GPR107: variants seen among roughly 807,000 people sequenced by gnomAD.
The protein encoded by GPR107 is protein GPR107.
In GPR107, 31 loss-of-function variants were observed where a neutral mutation model predicts 75.5. The ratio of observed to expected loss-of-function variants is 0.41; its 90% CI spans 0.31 to 0.55. The LOEUF (loss-of-function observed/expected upper bound fraction) is 0.55. Among genes scored for constraint, GPR107 ranks in the 20% least tolerant of loss-of-function variants. The pLI is 0.26. For synonymous variants in GPR107, 267 were observed against 251.3 expected (o/e 1.06, Z -0.59); for missense variants, 572 against 665.7 (o/e 0.86, Z 1.55).
intron 6 of GPR107, among the ~76,000 whole-genome samples, chr9:130,084,047 C>CATATATAT (rs139002438): frequency 0.16 from 21,452 of 130,524 alleles, 2,001 homozygotes; most frequent in South Asian, 0.28. Context: ...AGAGAGCTAA[C>CATATATAT]ATATATATAT....
chr9:130,093,858 C>T (rs564239731), intron 9 of GPR107, among the ~76,000 whole-genome samples: 1 of 152,092 alleles, frequency 6.6e-6, no homozygotes, highest in East Asian at 1.9e-4. Flanking sequence ...CCCCTAGCCC[C>T]CAGGCTGGAG....
intron 1 of GPR107, among the ~76,000 whole-genome samples, chr9:130,065,709 G>A (rs1381505017): frequency 6.9e-6 from 1 of 145,272 alleles, no homozygotes; most frequent in Non-Finnish European, 1.5e-5. Flanking sequence ...GGAGGTTGCA[G>A]TGAACCAAGA....
At position 130,074,820 on chromosome 9, in the gene GPR107, G is replaced by A. The variant is rs1453122955; in HGVS notation, c.142-816G>A. Among the ~76,000 whole-genome samples, 3 of 151,848 alleles carry A rather than the reference G, an allele frequency of 2.0e-5. No individual in the cohort carries two copies. In the East Asian group the frequency reaches 5.8e-4, roughly 29 times the overall value. On this transcript the variant is annotated intron_variant, in intron 1 of 17. Coordinates refer to ENST00000347136, the MANE Select transcript of GPR107 (RefSeq NM_020960.5). ...TTTATCCTGCCAATGGGAGGAGCCA[G>A]GTACACACAAATTGATAAGAGGATT...
In GPR107 at chr9:130,083,558, C is replaced by A. The variant is rs371311302; in HGVS notation, c.527-7C>A. ...CAGCACTCTCTTTTAAATGTTCTTG[C>A]TTCTAGATGGTGGAAAGTCTAAAAG... On this transcript the variant is annotated splice_region_variant and splice_polypyrimidine_tract_variant and intron_variant, in intron 5 of 17. Coordinates refer to ENST00000347136, the MANE Select transcript of GPR107 (RefSeq NM_020960.5). The A allele has an allele frequency of 1.3e-6, 2 of 1,513,484 alleles. No individual in the cohort carries two copies. Among genetic ancestry groups the A allele is most frequent in the African/African-American group, 1.4e-5 (1 of 69,276 alleles). The allele number at this position is 1,513,484 out of a possible 1,614,324, so 93.8% of individuals were successfully genotyped here.
At position 130,135,015 on chromosome 9, in the gene GPR107, C is replaced by G. The variant is rs73541563; in HGVS notation, c.1563-10C>G. On this transcript the variant is annotated splice_polypyrimidine_tract_variant and intron_variant, in intron 17 of 17. Transcript: ENST00000347136. The stretch of plus-strand genomic sequence containing the variant: ...AGATGTTCCTAATTGTTTTTTCTTT[C>G]CTTGTTCAGTGTGACAACATCTGGG... The G allele has an allele frequency of 3.0e-3, 4,549 of 1,529,088 alleles. 25 individuals carry two copies. Among genetic ancestry groups the G allele is most frequent in the African/African-American group, 0.015 (1,076 of 73,486 alleles). 94.7% of individuals were successfully genotyped at this position (1,529,088 alleles called of 1,614,324 possible).
chr9:130,061,095 T>C (rs1829915881), intron 1 of GPR107, among the ~76,000 whole-genome samples: 1 of 152,210 alleles, frequency 6.6e-6, no homozygotes, highest in South Asian at 2.1e-4. Context: ...GCCTTCTGTC[T>C]CTTACTCATT....
At chr9:130,065,444 A>G (rs1272957030) in intron 1 of GPR107, among the ~76,000 whole-genome samples, 1 of 151,450 alleles carries the variant, frequency 6.6e-6, no homozygotes, top group African/African-American at 2.4e-5. Context: ...TCTCAAAAAC[A>G]TAATAATAAT....
intron 14 of GPR107, chr9:130,114,679 C>T: frequency 2.9e-6 from 3 of 1,047,528 alleles, no homozygotes; most frequent in Non-Finnish European, 3.5e-6. Flanking sequence ...AGCCACTGGA[C>T]CCATCCTGTT....
chr9:130,066,795 C>T (rs1830079699), intron 1 of GPR107, among the ~76,000 whole-genome samples: 1 of 152,082 alleles, frequency 6.6e-6, no homozygotes, highest in African/African-American at 2.4e-5. Context: ...ACCATCCTGG[C>T]TAACACGATG....
chr9:130,056,067 CAG>C (rs58299053), intron 1 of GPR107, among the ~76,000 whole-genome samples: 1,488 of 70,836 alleles, frequency 0.021, 24 homozygotes, highest in African/African-American at 0.074. Flanking sequence ...GGTTCAATCA[CAG>C]GGGTGGGGGT....
rs577314364 is a variant in GPR107 at position 130,136,656 on chromosome 9, C to T, written c.*1535C>T. ...AAGTTTGGGAACCTGAAAAAGTCTC[C>T]ATTCAGAACATGGTTGTTCTCCCTG... On this transcript the variant is annotated 3_prime_UTR_variant, in exon 18 of 18. Transcript: ENST00000347136. 1.3e-5 allele frequency: 2 copies of T among 152,368 alleles called. No homozygotes were observed. The highest frequency in any genetic ancestry group is 3.9e-4 in the East Asian group (2 of 5,190). The allele number at this position is 152,368 out of a possible 1,614,324, so 9.4% of individuals were successfully genotyped here. A position where few individuals can be genotyped will look rare whatever the true frequency, so the allele number is the denominator to read the frequency against.
intron 1 of GPR107, among the ~76,000 whole-genome samples, chr9:130,072,480 A>G (rs1275945327): frequency 6.6e-6 from 1 of 151,858 alleles, no homozygotes; most frequent in Non-Finnish European, 1.5e-5. Context: ...CGGCCTCCCA[A>G]AGTGCCGGGA....
At chr9:130,104,042 T>TG (rs948378155) in intron 12 of GPR107, among the ~76,000 whole-genome samples, 3 of 151,974 alleles carry the variant, frequency 2.0e-5, no homozygotes, top group African/African-American at 4.8e-5. Flanking sequence ...CCGGGGCTCC[T>TG]GGGGGGGCCT....
intron 7 of GPR107, among the ~76,000 whole-genome samples, chr9:130,089,309 C>A (rs1331000366): frequency 6.6e-6 from 1 of 152,208 alleles, no homozygotes; most frequent in Non-Finnish European, 1.5e-5. Context: ...ATTAGCAGCA[C>A]GTGCTGAAAC....
intron 13 of GPR107, among the ~76,000 whole-genome samples, chr9:130,106,970 A>G (rs1268851810): frequency 6.6e-6 from 1 of 152,166 alleles, no homozygotes; most frequent in Non-Finnish European, 1.5e-5. Context: ...AATGATGGTC[A>G]TTAGGTACCA....
chr9:130,128,851 A>G, intron 17 of GPR107, 90 bp downstream of exon 17: 1 of 1,216,362 alleles, frequency 8.2e-7, no homozygotes, highest in Non-Finnish European at 1.2e-6. Flanking sequence ...TGCTCTCAGC[A>G]TTTCGTGGCT....
intron 7 of GPR107, among the ~76,000 whole-genome samples, chr9:130,089,714 A>G (rs899792476): frequency 2.0e-5 from 3 of 152,106 alleles, no homozygotes; most frequent in African/African-American, 4.8e-5. Context: ...GAAGTTGTCC[A>G]TGTGTTTAGA....
At chr9:130,058,104 C>T (rs1829837485) in intron 1 of GPR107, among the ~76,000 whole-genome samples, 1 of 152,180 alleles carries the variant, frequency 6.6e-6, no homozygotes, top group Non-Finnish European at 1.5e-5. Context: ...GCTGGGATTA[C>T]AGGCGTGAGC....
rs1294351360 is a variant in GPR107 at position 130,135,176 on chromosome 9, TC to T, written c.*57del. 3 of 936,002 alleles carry T rather than the reference TC, an allele frequency of 3.2e-6. No homozygotes were observed. The East Asian group carries it at 7.6e-5, about 24-fold the overall frequency. The allele number at this position is 936,002 out of a possible 1,614,324, so 58.0% of individuals were successfully genotyped here. A position where few individuals can be genotyped will look rare whatever the true frequency, so the allele number is the denominator to read the frequency against. ...AAGGAAACTGTTAACTTATTCATAG[TC>T]CTATTGGACAGCAGGAGCAGCTCCT... On this transcript the variant is annotated 3_prime_UTR_variant, in exon 18 of 18. Transcript: ENST00000347136.
Sources: gnomAD v4.1 joint callset for allele counts (sites outside exome capture counted in the v4.1 genomes callset) on GRCh38, gnomAD v4.1.1 for gene constraint, MANE v1.5 for transcripts, NCBI Gene and HGNC (gene_info 2026-07-23, HGNC 2026-07-21) for gene names.